The following SNTG2 variants were observed in gnomAD, a reference collection of about 807,000 sequenced individuals.
The protein encoded by SNTG2 is syntrophin gamma 2, also known as gamma-2-syntrophin.
In SNTG2, 74 loss-of-function variants were observed where a neutral mutation model predicts 70.9. The observed-to-expected ratio is 1.04, with a 90% CI of 0.86 to 1.27. The LOEUF (loss-of-function observed/expected upper bound fraction) is 1.27, where lower values mean the gene tolerates loss of function less well. Ranked by LOEUF, SNTG2 falls within the 50% of genes most tolerant of loss-of-function variation. SNTG2 has a pLI of 0.00. For missense variants in SNTG2, 717 were observed against 690.7 expected, an observed-to-expected ratio of 1.04 and a Z score of -0.43; for synonymous variants, 278 against 273.8, an observed-to-expected ratio of 1.02 and a Z score of -0.15.
intron 1 of SNTG2, among the ~76,000 whole-genome samples, chr2:1,045,438 CTCTT>C (rs1661679392): frequency 2.6e-5 from 4 of 151,972 alleles, no homozygotes; most frequent in South Asian, 4.2e-4. Context: ...GGCTTGTTTG[CTCTT>C]TCTTTTTTTC....
intron 4 of SNTG2, among the ~76,000 whole-genome samples, chr2:1,119,248 TA>T (rs1667230544): frequency 6.6e-6 from 1 of 152,188 alleles, no homozygotes; most frequent in Non-Finnish European, 1.5e-5. Flanking sequence ...ATGGATTTCA[TA>T]ATCACTATGC....
At chr2:1,184,071 T>C (rs72768803) in intron 8 of SNTG2, among the ~76,000 whole-genome samples, 7,599 of 152,224 alleles carry the variant, frequency 0.05, 292 homozygotes, top group East Asian at 0.21. Context: ...CACTCAAGGA[T>C]TGTGGGGGCC....
intron 1 of SNTG2, among the ~76,000 whole-genome samples, chr2:1,059,626 T>C (rs1457373517): frequency 6.6e-6 from 1 of 152,176 alleles, no homozygotes; most frequent in Non-Finnish European, 1.5e-5. Context: ...TTGTGGAATT[T>C]TGAAGTATAA....
intron 6 of SNTG2, among the ~76,000 whole-genome samples, chr2:1,139,944 A>G (rs1472902748): frequency 6.6e-6 from 1 of 152,180 alleles, no homozygotes; most frequent in Non-Finnish European, 1.5e-5. Context: ...ATCATATCAT[A>G]TGTTTACATT....
intron 11 of SNTG2, among the ~76,000 whole-genome samples, chr2:1,244,645 A>G (rs28479251): frequency 0.31 from 43,675 of 139,848 alleles, 7,899 homozygotes; most frequent in East Asian, 0.54. Flanking sequence ...GCAGTGAGCC[A>G]AGATTGCACC....
At position 1,316,301 on chromosome 2, in the gene SNTG2, G is replaced by A; in HGVS notation, c.1414G>A (p.Gly472Arg). The A allele has an allele frequency of 6.5e-7, 1 of 1,549,522 alleles. No individual in the cohort carries two copies. Among genetic ancestry groups the A allele is most frequent in the Non-Finnish European group, 8.7e-7 (1 of 1,145,356 alleles). ...GAGATTTAAATTTTCCCAGCTTAAG[G>A]GATCTTCAGATGATGGGAAAACTCG... ...LWRFKFSQLKGSSDDGKTRVK... is the reference protein window; with the variant it reads ...LWRFKFSQLKRSSDDGKTRVK... Residue 472 changes from glycine to arginine, a missense_variant, in exon 16 of 17, where the codon GGA becomes AGA. Gly to Arg is a moderately radical substitution (Grantham distance 125). Coordinates refer to ENST00000308624, the MANE Select transcript of SNTG2 (RefSeq NM_018968.4).
At chr2:1,151,877 G>A (rs957854395) in intron 6 of SNTG2, among the ~76,000 whole-genome samples, 6 of 152,132 alleles carry the variant, frequency 3.9e-5, no homozygotes, top group Admixed American at 2.6e-4. Context: ...CATAAATTGG[G>A]TTTTCAAGAG....
At chr2:1,239,867 C>T in intron 11 of SNTG2, 91 bp downstream of exon 11, 3 of 1,476,000 alleles carry the variant, frequency 2.0e-6, no homozygotes, top group Non-Finnish European at 2.8e-6. Context: ...GAAAAGCAGT[C>T]TCTGGTTTTT....
chr2:1,285,566 T>A (rs963082968), intron 14 of SNTG2, among the ~76,000 whole-genome samples: 1 of 152,314 alleles, frequency 6.6e-6, no homozygotes, highest in Non-Finnish European at 1.5e-5. Flanking sequence ...AAATCTAATG[T>A]CACATGATAA....
At chr2:964,434 A>G (rs1239353370) in intron 1 of SNTG2, among the ~76,000 whole-genome samples, 1 of 152,110 alleles carries the variant, frequency 6.6e-6, no homozygotes, top group East Asian at 1.9e-4. Flanking sequence ...TTAACATTTT[A>G]CTTCCAGGAG....
In SNTG2 at chr2:1,267,351, GCT is replaced by G. The variant is rs754434278; in HGVS notation, c.1078-11_1078-10del. ...CCAGCGCTGCACGTTTCCAATCCATGCTCTGTTTTTCAGTTCTGGCTCACAGA... is the reference window on the plus strand; with the variant it reads ...CCAGCGCTGCACGTTTCCAATCCATGCTGTTTTTCAGTTCTGGCTCACAGA... On this transcript the variant is annotated splice_polypyrimidine_tract_variant and intron_variant, in intron 13 of 16. Coordinates refer to ENST00000308624, the MANE Select transcript of SNTG2 (RefSeq NM_018968.4). 1.0e-5 allele frequency: 16 copies of G among 1,582,414 alleles called. No homozygotes were observed. In the South Asian group the frequency reaches 1.8e-4, roughly 18 times the overall value.
At chr2:1,155,935 C>T (rs1402889716) in intron 6 of SNTG2, among the ~76,000 whole-genome samples, 1 of 152,090 alleles carries the variant, frequency 6.6e-6, no homozygotes, top group African/African-American at 2.4e-5. Context: ...GCGTTCAGAG[C>T]TCAGGAAGCA....
intron 4 of SNTG2, among the ~76,000 whole-genome samples, chr2:1,122,630 T>C (rs1667444377): frequency 6.6e-6 from 1 of 151,890 alleles, no homozygotes; most frequent in Admixed American, 6.6e-5. Flanking sequence ...GAACAAACGC[T>C]TTAACATTAA....
intron 6 of SNTG2, among the ~76,000 whole-genome samples, chr2:1,139,845 AAAAAAAT>A (rs1167294383): frequency 1.3e-5 from 2 of 151,408 alleles, no homozygotes; most frequent in African/African-American, 4.8e-5. Context: ...AAAAAAAAAA[AAAAAAAT>A]CCTAGTAAAT....
At chr2:991,851 A>G (rs1056254401) in intron 1 of SNTG2, among the ~76,000 whole-genome samples, 2 of 152,168 alleles carry the variant, frequency 1.3e-5, no homozygotes, top group African/African-American at 2.4e-5. Context: ...ATTTCGTGAG[A>G]GATTGTTGCC....
At chr2:1,110,063 C>T (rs1007943651) in intron 4 of SNTG2, among the ~76,000 whole-genome samples, 12 of 152,054 alleles carry the variant, frequency 7.9e-5, no homozygotes, top group East Asian at 1.9e-4. Context: ...TGACACAGAA[C>T]GACGATTTCT....
At chr2:1,197,489 G>GTATATA (rs1302314056) in intron 8 of SNTG2, among the ~76,000 whole-genome samples, 1 of 126,692 alleles carries the variant, frequency 7.9e-6, no homozygotes, top group Admixed American at 9.5e-5. Context: ...ATATATATGT[G>GTATATA]TATGTATATA....
chr2:1,000,134 A>G (rs530555881), intron 1 of SNTG2, among the ~76,000 whole-genome samples: 1 of 152,080 alleles, frequency 6.6e-6, no homozygotes, highest in South Asian at 2.1e-4. Flanking sequence ...CAGAAAAATA[A>G]GTGCTGAAAT....
intron 2 of SNTG2, among the ~76,000 whole-genome samples, chr2:1,095,406 TGCACAAA>T (rs1254820860): frequency 6.6e-6 from 1 of 152,320 alleles, no homozygotes; most frequent in East Asian, 1.9e-4. Context: ...TTCAAGAGAC[TGCACAAA>T]GCAGGTATGA....
Sources: gnomAD v4.1 joint callset for allele counts (sites outside exome capture counted in the v4.1 genomes callset) on GRCh38, gnomAD v4.1.1 for gene constraint, MANE v1.5 for transcripts, NCBI Gene and HGNC (gene_info 2026-07-23, HGNC 2026-07-21) for gene names.